SKIC3: variants seen among roughly 807,000 people sequenced by gnomAD.
The protein encoded by SKIC3 is superkiller complex protein 3.
chr5:95,512,574 C>T, the SKIC3 span: 1 of 1,613,970 alleles, frequency 6.2e-7, no homozygotes, highest in Non-Finnish European at 8.5e-7. Context: ...TTTTATCTTG[C>T]AATGTTGTGC....
the SKIC3 span, chr5:95,464,639 A>G: frequency 2.1e-5 from 34 of 1,613,422 alleles, no homozygotes; most frequent in Non-Finnish European, 2.7e-5. Context: ...TTCAGTTCCA[A>G]TGCTCTTGTA....
At chr5:95,491,732 G>C in the SKIC3 span, among the ~76,000 whole-genome samples, 2 of 152,028 alleles carry the variant, frequency 1.3e-5, no homozygotes, top group African/African-American at 4.8e-5. Flanking sequence ...GAAACGTGAA[G>C]GGAATATGGA....
chr5:95,548,173 G>A, the SKIC3 span, among the ~76,000 whole-genome samples: 16 of 151,884 alleles, frequency 1.1e-4, no homozygotes, highest in Non-Finnish European at 2.4e-4. Flanking sequence ...TTTTCTGTCA[G>A]CTCCTCTAAT....
the SKIC3 span, chr5:95,482,366 T>C: frequency 8.6e-7 from 1 of 1,165,002 alleles, no homozygotes; most frequent in Non-Finnish European, 1.3e-6. Context: ...AGAGATAACA[T>C]GGTGAGAGTG....
chr5:95,515,240 T>C, the SKIC3 span, among the ~76,000 whole-genome samples: 1 of 152,108 alleles, frequency 6.6e-6, no homozygotes, highest in Non-Finnish European at 1.5e-5. Flanking sequence ...TTGAAGGCAA[T>C]GATTAAATAA....
At chr5:95,522,339 AG>A in the SKIC3 span, 1 of 1,609,426 alleles carries the variant, frequency 6.2e-7, no homozygotes, top group South Asian at 1.1e-5. Flanking sequence ...GAGAACTAAA[AG>A]TATGGAACTA....
At chr5:95,539,992 T>C in the SKIC3 span, among the ~76,000 whole-genome samples, 1 of 151,838 alleles carries the variant, frequency 6.6e-6, no homozygotes, top group Non-Finnish European at 1.5e-5. Context: ...ACTGCAAAAA[T>C]ACAGAACTAG....
the SKIC3 span, chr5:95,464,582 T>A: frequency 9.6e-6 from 15 of 1,569,832 alleles, no homozygotes; most frequent in Non-Finnish European, 1.2e-5. Context: ...TTTTCTTTGC[T>A]TCCTTACTAT....
the SKIC3 span, chr5:95,497,478 C>T: frequency 6.2e-7 from 1 of 1,613,388 alleles, no homozygotes; most frequent in Non-Finnish European, 8.5e-7. Flanking sequence ...AGAGCAGGGT[C>T]ACCAGGGTTG....
At chr5:95,503,392 G>A in the SKIC3 span, among the ~76,000 whole-genome samples, 3 of 152,178 alleles carry the variant, frequency 2.0e-5, no homozygotes, top group Admixed American at 2.0e-4. Context: ...ATACACATGT[G>A]GGCTAAGCCC....
chr5:95,522,444 G>A, the SKIC3 span: 3 of 999,920 alleles, frequency 3.0e-6, no homozygotes, highest in Non-Finnish European at 4.2e-6. Flanking sequence ...ATTTAAAGCA[G>A]ATAAATTTGT....
the SKIC3 span, chr5:95,516,934 C>A: frequency 6.2e-7 from 1 of 1,607,408 alleles, no homozygotes; most frequent in Non-Finnish European, 8.5e-7. Context: ...ATTTCTCCAG[C>A]AACTCCTTAA....
At chr5:95,537,062 A>C in the SKIC3 span, 44 of 1,613,502 alleles carry the variant, frequency 2.7e-5, no homozygotes, top group Non-Finnish European at 3.6e-5. Context: ...ACTCTGAATG[A>C]AATGCCTATA....
At chr5:95,508,243 T>C in the SKIC3 span, among the ~76,000 whole-genome samples, 8 of 152,212 alleles carry the variant, frequency 5.3e-5, no homozygotes, top group African/African-American at 1.9e-4. Context: ...ACAAGGCTTC[T>C]TGTAAATATT....
the SKIC3 span, chr5:95,529,124 C>CA: frequency 9.9e-6 from 16 of 1,609,246 alleles, no homozygotes; most frequent in African/African-American, 1.3e-5. Context: ...AAAACAATCA[C>CA]AAAAAACAAG....
chr5:95,488,936 T>C, the SKIC3 span, among the ~76,000 whole-genome samples: 12 of 152,140 alleles, frequency 7.9e-5, no homozygotes, highest in African/African-American at 2.4e-5. Context: ...TGAATTAAAC[T>C]TTCCATTGAA....
At chr5:95,500,006 G>T in the SKIC3 span, among the ~76,000 whole-genome samples, 1 of 151,722 alleles carries the variant, frequency 6.6e-6, no homozygotes, top group Admixed American at 6.6e-5. Context: ...AAAAATAAAG[G>T]AATTTTTTTA....
chr5:95,536,470 G>A, the SKIC3 span: 77 of 249,808 alleles, frequency 3.1e-4, 1 homozygote, highest in Middle Eastern at 1.5e-3. Context: ...CCTAAAAAAT[G>A]CACCTAGCTC....
chr5:95,524,649 C>G, the SKIC3 span: 1 of 1,605,480 alleles, frequency 6.2e-7, no homozygotes, highest in Non-Finnish European at 8.5e-7. Flanking sequence ...CACACCCACA[C>G]GCAATATAGG....
Sources: allele counts gnomAD v4.1 joint callset (sites outside exome capture counted in the v4.1 genomes callset), GRCh38; gene constraint gnomAD v4.1.1; transcripts MANE v1.5; gene names NCBI Gene and HGNC (gene_info 2026-07-23, HGNC 2026-07-21).